DDX60L: variants seen among roughly 807,000 people sequenced by gnomAD.
DDX60L encodes the protein DExD/H-box 60 like.
Under a neutral mutation model 211.6 loss-of-function variants are expected in DDX60L, and 191 were observed. The observed-to-expected ratio is 0.90, with a 90% CI of 0.80 to 1.02. The LOEUF (loss-of-function observed/expected upper bound fraction) is 1.02, where lower values mean the gene tolerates loss of function less well. Ranked by LOEUF, DDX60L falls within the 50% of genes least tolerant of loss-of-function variation. The probability of loss-of-function intolerance (pLI) is 0.00; values close to 1 mark genes in which losing one functional copy is unlikely to be tolerated. For synonymous variants in DDX60L, 706 were observed against 694.1 expected (o/e 1.02, Z -0.27); for missense variants, 2,007 against 1,984.1 (o/e 1.01, Z -0.22).
Position 168,361,216 on chromosome 4 carries a change from A to G in DDX60L, c.4929-5T>C. ...AAAAGCTGTCCCATACGCATCCTAA[A>G]GAGAACAACATTTCTTAATTAAAAA... On this transcript the variant is annotated splice_region_variant and splice_polypyrimidine_tract_variant and intron_variant, in intron 36 of 37. Transcript: ENST00000682922. 6.4e-7 allele frequency: 1 copy of G among 1,561,954 alleles called. No homozygotes were observed. Among genetic ancestry groups the G allele is most frequent in the Non-Finnish European group, 8.8e-7 (1 of 1,136,446 alleles).
intron 36 of DDX60L, among the ~76,000 whole-genome samples, chr4:168,366,196 C>T (rs756916096): frequency 1.8e-4 from 28 of 152,044 alleles, no homozygotes; most frequent in Non-Finnish European, 3.5e-4. Context: ...AGGAAAAAGT[C>T]AGATTGTCCC....
intron 35 of DDX60L, among the ~76,000 whole-genome samples, chr4:168,372,791 T>C (rs2149642048): frequency 6.6e-6 from 1 of 151,908 alleles, no homozygotes; most frequent in African/African-American, 2.4e-5. Flanking sequence ...GAAGGGAAGA[T>C]ACAAAAGTTC....
Position 168,423,595 on chromosome 4 carries a change from C to T in DDX60L, c.2097+13G>A, listed in dbSNP as rs1163159954. ...GTAAAAATTTAAAGTATAAGAAATT[C>T]TAGTTCTCTTACCAGAGTTGGATCC... On this transcript the variant is annotated intron_variant, in intron 15 of 37. Transcript: ENST00000682922. The T allele has an allele frequency of 2.8e-6, 4 of 1,440,940 alleles. No individual in the cohort carries two copies. Among genetic ancestry groups the T allele is most frequent in the East Asian group, 4.8e-5 (2 of 42,010 alleles). The allele number at this position is 1,440,940 out of a possible 1,614,324, so 89.3% of individuals were successfully genotyped here. A position where few individuals can be genotyped will look rare whatever the true frequency, so the allele number is the denominator to read the frequency against.
intron 30 of DDX60L, 146 bp from the exon 31 acceptor site, chr4:168,379,976 CTT>C: frequency 1.9e-6 from 1 of 537,608 alleles, no homozygotes; most frequent in South Asian, 3.2e-5. Flanking sequence ...CATATTATCT[CTT>C]TGATTGTATC....
At chr4:168,390,613 T>A in intron 29 of DDX60L, 1 of 790,732 alleles carries the variant, frequency 1.3e-6, no homozygotes, top group Non-Finnish European at 1.8e-6. Flanking sequence ...CTTTTATATT[T>A]CGAGACTAGG....
intron 16 of DDX60L, 121 bp downstream of exon 16, chr4:168,422,403 A>G: frequency 1.1e-6 from 1 of 898,532 alleles, no homozygotes; most frequent in East Asian, 2.7e-5. Context: ...CTCCAGGCAC[A>G]GTAGAGGAAA....
At chr4:168,410,336 C>T (rs1748471487) in intron 22 of DDX60L, among the ~76,000 whole-genome samples, 1 of 152,142 alleles carries the variant, frequency 6.6e-6, no homozygotes, top group African/African-American at 2.4e-5. Flanking sequence ...TAGAGTTTGG[C>T]ATCTGGAATG....
chr4:168,462,711 G>A (rs1266135982), intron 4 of DDX60L, among the ~76,000 whole-genome samples: 1 of 152,138 alleles, frequency 6.6e-6, no homozygotes, highest in Admixed American at 6.5e-5. Flanking sequence ...TACTTGGGAG[G>A]CTGAAGCAGG....
chr4:168,406,613 GC>G lies in DDX60L; in HGVS notation c.3072del (p.Trp1024CysfsTer19). 1.9e-6 allele frequency: 3 copies of G among 1,594,706 alleles called. No individual in the cohort carries two copies. The highest frequency in any genetic ancestry group is 2.6e-6 in the Non-Finnish European group (3 of 1,169,146). On this transcript the variant is annotated frameshift_variant, in exon 23 of 38. Coordinates refer to ENST00000682922, the MANE Select transcript of DDX60L (RefSeq NM_001012967.3). LOFTEE classifies it high-confidence loss of function. The part of the protein sequence containing the change: ...YDTMAQVWET[W>X]PRAQELCPEE... ...ATTTCTATATTTACCTGAGCCCTGGGCCAAGTTTCCCAGACTTGAGCCATGG... is the reference window on the plus strand; with the variant it reads ...ATTTCTATATTTACCTGAGCCCTGGGCAAGTTTCCCAGACTTGAGCCATGG...
At chr4:168,392,934 T>A (rs1288353889) in intron 28 of DDX60L, among the ~76,000 whole-genome samples, 1 of 152,122 alleles carries the variant, frequency 6.6e-6, no homozygotes, top group Non-Finnish European at 1.5e-5. Flanking sequence ...TTCATTTATA[T>A]ATTCATTCAT....
chr4:168,422,969 T>TGTGTG (rs55786043), intron 15 of DDX60L, among the ~76,000 whole-genome samples: 18,882 of 133,020 alleles, frequency 0.14, 1,556 homozygotes, highest in Non-Finnish European at 0.19. Flanking sequence ...GTGGCTAATA[T>TGTGTG]TGTGTGTGTG....
In DDX60L at chr4:168,396,123, T is replaced by G; in HGVS notation, c.3493A>C (p.Thr1165Pro). The G allele has an allele frequency of 7.2e-7, 1 of 1,396,740 alleles. No individual in the cohort carries two copies. The highest frequency in any genetic ancestry group is 1.4e-5 in the South Asian group (1 of 72,582). 86.5% of individuals were successfully genotyped at this position (1,396,740 alleles called of 1,614,324 possible). The change falls in exon 27 of 38, where the codon ACT becomes CCT. Residue 1165 changes from threonine to proline, a missense_variant and splice_region_variant. By Grantham distance (38) the Thr-to-Pro change is conservative (BLOSUM62 -1). Coordinates refer to ENST00000682922, the MANE Select transcript of DDX60L (RefSeq NM_001012967.3). Reference sequence around the variant, plus strand: ...TCAGCCTTCTTTGGGTTTTTTTTAGTGCTACTATTTAAAAAAAAAAAAAAA... The same window carrying G: ...TCAGCCTTCTTTGGGTTTTTTTTAGGGCTACTATTTAAAAAAAAAAAAAAA... ...EKVRKTQKRI[T>P]KKNPKKAEKL...
rs535116904 is a variant in DDX60L, at chr4:168,423,556, CA to C, written c.2097+51del. 887 of 1,201,186 alleles carry C rather than the reference CA, an allele frequency of 7.4e-4. 14 individuals carry two copies. The South Asian group carries it at 0.012, about 16-fold the overall frequency. The allele number at this position is 1,201,186 out of a possible 1,614,324, so 74.4% of individuals were successfully genotyped here. A position where few individuals can be genotyped will look rare whatever the true frequency, so the allele number is the denominator to read the frequency against. ...TCATTAGACCTATTAGTTATTCTTC[CA>C]TATTAAAATTGAGTAAAAATTTAAA... On this transcript the variant is annotated intron_variant, in intron 15 of 37. Transcript: ENST00000682922.
chr4:168,468,176 A>G (rs1758273509), intron 4 of DDX60L, among the ~76,000 whole-genome samples: 1 of 151,826 alleles, frequency 6.6e-6, no homozygotes, highest in Non-Finnish European at 1.5e-5. Flanking sequence ...CAAATAATAA[A>G]TAAATAAATA....
chr4:168,365,045 T>C (rs1204352551), intron 36 of DDX60L, among the ~76,000 whole-genome samples: 1 of 152,158 alleles, frequency 6.6e-6, no homozygotes, highest in Non-Finnish European at 1.5e-5. Flanking sequence ...TAAAATGGAA[T>C]TTATAGCAAT....
rs537942148 is a variant in DDX60L at position 168,399,410 on chromosome 4, C to T, written c.3491+1416G>A. Among the ~76,000 whole-genome samples, 9 of 152,312 alleles carry T rather than the reference C, an allele frequency of 5.9e-5. No homozygotes were observed. The South Asian group carries it at 6.2e-4, about 11-fold the overall frequency. On this transcript the variant is annotated intron_variant, in intron 26 of 37. Coordinates refer to ENST00000682922, the MANE Select transcript of DDX60L (RefSeq NM_001012967.3). ...GCTGCTTGCAGTACGCCTGGTCCAG[C>T]CCCAGCCTCACAGGAAGCTGGTGCC... is the stretch of plus-strand genomic sequence containing the variant.
intron 36 of DDX60L, among the ~76,000 whole-genome samples, chr4:168,364,761 A>G (rs72695105): frequency 0.075 from 11,353 of 152,292 alleles, 633 homozygotes; most frequent in Admixed American, 0.13. Context: ...TCTCTTGGAT[A>G]GATCATATGT....
Position 168,397,998 on chromosome 4 carries a change from GGCT to G in DDX60L, c.3492-1877_3492-1875del, listed in dbSNP as rs149671915. On this transcript the variant is annotated intron_variant, in intron 26 of 37. Transcript: ENST00000682922. The stretch of plus-strand genomic sequence containing the variant: ...GAATAGCTGCAGCCACCCAAGCCAT[GGCT>G]GCAGACCCGGGCCTCCCCGTGCACT... 1.5e-4 allele frequency among the ~76,000 whole-genome samples: 23 copies of G among 152,102 alleles called. No individual in the cohort carries two copies. In the East Asian group the frequency reaches 4.5e-3, roughly 29 times the overall value.
chr4:168,373,297 A>G (rs1417546491), intron 35 of DDX60L, among the ~76,000 whole-genome samples: 3 of 152,142 alleles, frequency 2.0e-5, no homozygotes, highest in Non-Finnish European at 4.4e-5. Context: ...CCCCCTTTGT[A>G]GACCACTGTC....
Sources: gnomAD v4.1 joint callset for allele counts (sites outside exome capture counted in the v4.1 genomes callset) on GRCh38, gnomAD v4.1.1 for gene constraint, MANE v1.5 for transcripts, NCBI Gene and HGNC (gene_info 2026-07-23, HGNC 2026-07-21) for gene names.